Variants in RFC1 observed in about 807,000 individuals in gnomAD.
RFC1 encodes the protein replication factor C subunit 1.
A neutral mutation model predicts 137.4 loss-of-function variants in RFC1; 37 were observed. That is an observed-to-expected ratio of 0.27 (90% CI 0.21 to 0.35). The LOEUF (loss-of-function observed/expected upper bound fraction) is 0.35. Ranked by LOEUF, RFC1 falls within the 10% of genes least tolerant of loss-of-function variation. The pLI is 1.00. For synonymous variants in RFC1, 429 were observed against 455.7 expected (o/e 0.94, Z 0.75); for missense variants, 1,205 against 1,358.5 (o/e 0.89, Z 1.78).
At chr4:39,305,018 T>A in intron 14 of RFC1, 90 bp from the exon 15 acceptor site, 1 of 779,910 alleles carries the variant, frequency 1.3e-6, no homozygotes, top group South Asian at 1.4e-5. Context: ...AGAAAGAAGG[T>A]ACAAAATTAA....
At chr4:39,326,698 ACT>A in intron 5 of RFC1, 58 bp from the exon 6 acceptor site, 1 of 1,378,478 alleles carries the variant, frequency 7.3e-7, no homozygotes, top group African/African-American at 1.4e-5. Flanking sequence ...AAAATAAGGC[ACT>A]TTTTCTTGAC....
intron 11 of RFC1, among the ~76,000 whole-genome samples, chr4:39,312,476 G>T (rs536081828): frequency 2.9e-4 from 44 of 152,092 alleles, no homozygotes; most frequent in African/African-American, 9.2e-4. Flanking sequence ...GGAAGAAAAA[G>T]AAAACTGCAT....
intron 24 of RFC1, 53 bp downstream of exon 24, chr4:39,289,795 C>T: frequency 8.1e-7 from 1 of 1,230,112 alleles, no homozygotes; most frequent in Non-Finnish European, 1.2e-6. Flanking sequence ...ATTCACCAGG[C>T]AAGGAAAGAT....
At chr4:39,329,255 A>G (rs1258320317) in intron 4 of RFC1, among the ~76,000 whole-genome samples, 1 of 151,628 alleles carries the variant, frequency 6.6e-6, no homozygotes, top group African/African-American at 2.4e-5. Flanking sequence ...TCATCCCAGT[A>G]CTTTGGGAGG....
At chr4:39,330,675 A>C (rs1740051833) in intron 4 of RFC1, among the ~76,000 whole-genome samples, 1 of 152,228 alleles carries the variant, frequency 6.6e-6, no homozygotes, top group African/African-American at 2.4e-5. Flanking sequence ...CAGGCTCCTA[A>C]TAAATTTCCC....
At chr4:39,345,338 G>T in intron 3 of RFC1, 63 bp downstream of exon 3, 1 of 1,371,470 alleles carries the variant, frequency 7.3e-7, no homozygotes, top group Non-Finnish European at 1.0e-6. Flanking sequence ...ATAGTTTAAA[G>T]CACTGTTCTA....
chr4:39,321,735 TAAAC>T (rs17334964), intron 7 of RFC1: 433 of 159,594 alleles, frequency 2.7e-3, no homozygotes, highest in Non-Finnish European at 5.1e-3. Flanking sequence ...AAAATAAAAA[TAAAC>T]AAAAGCTCGA....
intron 22 of RFC1, among the ~76,000 whole-genome samples, chr4:39,294,340 G>A (rs944094123): frequency 6.6e-6 from 1 of 152,244 alleles, no homozygotes; most frequent in African/African-American, 2.4e-5. Context: ...CCAGGGACCA[G>A]ATGGCAAATT....
chr4:39,361,105 T>G (rs988931698), intron 1 of RFC1, among the ~76,000 whole-genome samples: 8 of 152,196 alleles, frequency 5.3e-5, no homozygotes, highest in South Asian at 4.1e-4. Context: ...GTGAAGTATT[T>G]AAGCCAGGCA....
chr4:39,340,676 C>CT (rs1372809038), intron 4 of RFC1, among the ~76,000 whole-genome samples: 2 of 151,984 alleles, frequency 1.3e-5, no homozygotes, highest in East Asian at 3.9e-4. Flanking sequence ...TTATTGTGGG[C>CT]TTTTTTTAAT....
At position 39,327,501 on chromosome 4, in the gene RFC1, T is replaced by G. The variant is rs561271200; in HGVS notation, c.564+23A>C. On this transcript the variant is annotated intron_variant, in intron 5 of 24. Transcript: ENST00000349703. The stretch of plus-strand genomic sequence containing the variant: ...GAATGGGTATAAATCCTGAGCATAC[T>G]TGCTTATATGTAGAACACTTACCTC... 24 of 1,501,080 alleles carry G rather than the reference T, an allele frequency of 1.6e-5. No individual in the cohort carries two copies. In the African/African-American group the frequency reaches 3.1e-4, roughly 19 times the overall value. The allele number at this position is 1,501,080 out of a possible 1,614,324, so 93.0% of individuals were successfully genotyped here.
intron 21 of RFC1, among the ~76,000 whole-genome samples, chr4:39,299,610 CAAAAAAAAAAAAA>C (rs970461214): frequency 7.4e-5 from 3 of 40,470 alleles, no homozygotes; most frequent in African/African-American, 2.7e-4. Context: ...AACACTGTCT[CAAAAAAAAAAAAA>C]AAAAAAGAAA....
At chr4:39,328,871 T>C (rs1739924724) in intron 4 of RFC1, among the ~76,000 whole-genome samples, 1 of 152,030 alleles carries the variant, frequency 6.6e-6, no homozygotes, top group Admixed American at 6.6e-5. Context: ...TACGGAAGGC[T>C]TGGACTGTGG....
intron 2 of RFC1, among the ~76,000 whole-genome samples, chr4:39,346,295 G>A (rs568264321): frequency 3.9e-4 from 59 of 152,206 alleles, no homozygotes; most frequent in African/African-American, 1.3e-3. Context: ...TGACCAACAT[G>A]AAGAAACTCC....
intron 9 of RFC1, chr4:39,318,062 CAGG>C (rs1293461965): frequency 6.6e-6 from 1 of 152,066 alleles, no homozygotes; most frequent in African/African-American, 2.4e-5. Context: ...GAGGCTGAGG[CAGG>C]AGAATGGCGT....
chr4:39,346,813 G>A (rs1022510651), intron 2 of RFC1, among the ~76,000 whole-genome samples: 5 of 152,178 alleles, frequency 3.3e-5, no homozygotes, highest in African/African-American at 9.7e-5. Context: ...GAAAGCCACA[G>A]AAAGAAATCC....
At chr4:39,292,835 A>T (rs899430251) in intron 22 of RFC1, among the ~76,000 whole-genome samples, 9 of 151,202 alleles carry the variant, frequency 6.0e-5, no homozygotes, top group Non-Finnish European at 1.3e-4. Flanking sequence ...TTTAGTAGAG[A>T]CAGGGTTTCA....
intron 4 of RFC1, 94 bp downstream of exon 4, chr4:39,342,251 T>C (rs994314035): frequency 7.2e-7 from 1 of 1,381,440 alleles, no homozygotes; most frequent in Admixed American, 2.3e-5. Context: ...GCAGTAGAAA[T>C]TCCATTCAAA....
At chr4:39,303,969 C>A (rs1387490894) in intron 15 of RFC1, among the ~76,000 whole-genome samples, 2 of 152,124 alleles carry the variant, frequency 1.3e-5, no homozygotes, top group Non-Finnish European at 2.9e-5. Context: ...TGCCACTTTG[C>A]ACATATAAAA....
Sources: gnomAD v4.1 joint callset for allele counts (sites outside exome capture counted in the v4.1 genomes callset) on GRCh38, gnomAD v4.1.1 for gene constraint, MANE v1.5 for transcripts, NCBI Gene and HGNC (gene_info 2026-07-23, HGNC 2026-07-21) for gene names.